CTNND2: variants seen among roughly 807,000 people sequenced by gnomAD.
CTNND2 encodes the protein catenin delta 2.
In CTNND2, 22 loss-of-function variants were observed where a neutral mutation model predicts 144.4. The ratio of observed to expected loss-of-function variants is 0.15; its 90% confidence interval spans 0.11 to 0.22. The LOEUF (loss-of-function observed/expected upper bound fraction) is 0.22. Among genes scored for constraint, CTNND2 ranks in the 10% least tolerant of loss-of-function variants. CTNND2 has a pLI of 1.00. For synonymous variants in CTNND2, 751 were observed against 695.6 expected (o/e 1.08, Z -1.25); for missense variants, 1,353 against 1,618.8 (o/e 0.84, Z 2.82).
intron 9 of CTNND2, among the ~76,000 whole-genome samples, chr5:11,289,149 G>A (rs150866169): frequency 2.6e-4 from 40 of 152,176 alleles, no homozygotes; most frequent in Non-Finnish European, 4.0e-4. Flanking sequence ...TGAGATCCTC[G>A]TGCTGTTCTC....
intron 2 of CTNND2, among the ~76,000 whole-genome samples, chr5:11,612,470 C>T (rs535817327): frequency 2.2e-4 from 34 of 152,176 alleles, no homozygotes. Flanking sequence ...TAGCTATGTA[C>T]CTTCTTCGTT....
chr5:11,744,613 G>GC (rs1422608537), intron 1 of CTNND2, among the ~76,000 whole-genome samples: 7 of 152,154 alleles, frequency 4.6e-5, no homozygotes, highest in Non-Finnish European at 1.0e-4. Context: ...TCGAAACACT[G>GC]CCAGAGAAGA....
intron 2 of CTNND2, among the ~76,000 whole-genome samples, chr5:11,730,874 A>AG (rs543532248): frequency 1.3e-5 from 2 of 152,228 alleles, no homozygotes; most frequent in Non-Finnish European, 2.9e-5. Flanking sequence ...TTAGTAGCCT[A>AG]GCAAGACTTC....
At chr5:11,447,984 T>C (rs61755461) in intron 3 of CTNND2, among the ~76,000 whole-genome samples, 2,255 of 152,290 alleles carry the variant, frequency 0.015, 55 homozygotes, top group African/African-American at 0.051. Flanking sequence ...AATGAAGTTA[T>C]AGAAACTCGG....
At chr5:11,244,918 T>TGG (rs1742838756) in intron 9 of CTNND2, among the ~76,000 whole-genome samples, 1 of 152,218 alleles carries the variant, frequency 6.6e-6, no homozygotes, top group Non-Finnish European at 1.5e-5. Context: ...ATATAAAATT[T>TGG]GTATTATTAA....
intron 10 of CTNND2, among the ~76,000 whole-genome samples, chr5:11,233,664 G>A (rs1479993129): frequency 2.0e-5 from 3 of 152,260 alleles, no homozygotes; most frequent in Non-Finnish European, 2.9e-5. Context: ...CTTGGAGTGA[G>A]GATGAGAGAA....
chr5:11,733,468 GA>G (rs1787509682), intron 1 of CTNND2, among the ~76,000 whole-genome samples: 1 of 152,046 alleles, frequency 6.6e-6, no homozygotes, highest in Non-Finnish European at 1.5e-5. Flanking sequence ...GAGAGTAGAA[GA>G]AAAATAGAGT....
intron 9 of CTNND2, among the ~76,000 whole-genome samples, chr5:11,244,874 G>T (rs960669363): frequency 6.6e-6 from 1 of 152,194 alleles, no homozygotes; most frequent in Non-Finnish European, 1.5e-5. Flanking sequence ...CACCCAGCCA[G>T]CAGCTCCTCC....
intron 9 of CTNND2, among the ~76,000 whole-genome samples, chr5:11,238,408 TG>T (rs1170981580): frequency 2.0e-5 from 3 of 152,168 alleles, no homozygotes; most frequent in African/African-American, 7.2e-5. Context: ...TGCTGTCATC[TG>T]GGAAGAGAAG....
At chr5:11,733,059 G>A (rs930611881) in intron 1 of CTNND2, among the ~76,000 whole-genome samples, 9 of 152,014 alleles carry the variant, frequency 5.9e-5, no homozygotes, top group African/African-American at 1.9e-4. Flanking sequence ...CCCATAACTC[G>A]CCCTATGCAT....
chr5:11,101,711 A>C (rs942940879), intron 14 of CTNND2, among the ~76,000 whole-genome samples: 6 of 152,150 alleles, frequency 3.9e-5, no homozygotes, highest in African/African-American at 1.2e-4. Flanking sequence ...ACTACCAAAA[A>C]CTCTTTAAGA....
chr5:11,033,835 A>T (rs1456766651), intron 16 of CTNND2, among the ~76,000 whole-genome samples: 2 of 139,172 alleles, frequency 1.4e-5, no homozygotes, highest in African/African-American at 4.9e-5. Flanking sequence ...CTCAACAACA[A>T]CAGCAACAAC....
At chr5:11,657,357 C>T (rs903939050) in intron 2 of CTNND2, among the ~76,000 whole-genome samples, 3 of 152,048 alleles carry the variant, frequency 2.0e-5, no homozygotes, top group Admixed American at 1.3e-4. Flanking sequence ...AAAATAAACA[C>T]GTGAAGTAAT....
chr5:11,423,549 G>C (rs954174017), intron 3 of CTNND2, among the ~76,000 whole-genome samples: 2 of 152,190 alleles, frequency 1.3e-5, no homozygotes, highest in African/African-American at 2.4e-5. Flanking sequence ...TAATTTTGGA[G>C]ACCTCTCTGA....
chr5:11,536,664 G>C (rs189688096), intron 3 of CTNND2, among the ~76,000 whole-genome samples: 10 of 152,158 alleles, frequency 6.6e-5, no homozygotes, highest in Admixed American at 6.5e-4. Flanking sequence ...TTGCAAGTTG[G>C]AGTTAAGCTA....
intron 7 of CTNND2, among the ~76,000 whole-genome samples, chr5:11,375,372 T>A (rs1382368702): frequency 6.6e-6 from 1 of 152,206 alleles, no homozygotes; most frequent in African/African-American, 2.4e-5. Flanking sequence ...TTTTACAACT[T>A]CTCTATATCA....
intron 1 of CTNND2, among the ~76,000 whole-genome samples, chr5:11,882,538 A>T (rs1165384328): frequency 6.6e-6 from 1 of 152,094 alleles, no homozygotes; most frequent in African/African-American, 2.4e-5. Flanking sequence ...GCATTTATTA[A>T]AAAGCATGTA....
intron 11 of CTNND2, among the ~76,000 whole-genome samples, chr5:11,182,045 T>G (rs1432277235): frequency 7.6e-6 from 1 of 131,318 alleles, no homozygotes; most frequent in African/African-American, 2.9e-5. Flanking sequence ...GTGGTGTGTG[T>G]GGGGTGTGTG....
intron 7 of CTNND2, among the ~76,000 whole-genome samples, chr5:11,367,591 T>A (rs1038395134): frequency 6.6e-6 from 1 of 152,212 alleles, no homozygotes; most frequent in Non-Finnish European, 1.5e-5. Flanking sequence ...CAAAACGTCA[T>A]TCATGAGAAT....
Sources: allele counts gnomAD v4.1 joint callset (sites outside exome capture counted in the v4.1 genomes callset), GRCh38; gene constraint gnomAD v4.1.1; transcripts MANE v1.5; gene names NCBI Gene and HGNC (gene_info 2026-07-23, HGNC 2026-07-21).